Variants in CLEC16A observed in about 807,000 individuals in gnomAD.
CLEC16A encodes the protein protein CLEC16A.
In CLEC16A, 51 loss-of-function variants were observed where a neutral mutation model predicts 109.5. The ratio of observed to expected loss-of-function variants is 0.47; its 90% confidence interval spans 0.37 to 0.59. The LOEUF (loss-of-function observed/expected upper bound fraction) is 0.59, where lower values mean the gene tolerates loss of function less well. Among genes scored for constraint, CLEC16A ranks in the 20% least tolerant of loss-of-function variants. The pLI is 0.00. For synonymous variants in CLEC16A, 673 were observed against 564.2 expected, an observed-to-expected ratio of 1.19 and a Z score of -2.73; for missense variants, 1,339 against 1,394.0, an observed-to-expected ratio of 0.96 and a Z score of 0.63.
chr16:11,102,124 G>A (rs1221730797), intron 19 of CLEC16A, among the ~76,000 whole-genome samples: 1 of 151,866 alleles, frequency 6.6e-6, no homozygotes, highest in East Asian at 1.9e-4. Context: ...ATTTTTAAAA[G>A]AATTAAAAAC....
intron 23 of CLEC16A, among the ~76,000 whole-genome samples, chr16:11,172,425 C>G (rs896356284): frequency 6.6e-6 from 1 of 152,322 alleles, no homozygotes. Context: ...CCCACTCACA[C>G]CTCTGAGCTC....
At chr16:10,959,811 C>T (rs747256603) in intron 2 of CLEC16A, among the ~76,000 whole-genome samples, 1 of 151,326 alleles carries the variant, frequency 6.6e-6, no homozygotes, top group African/African-American at 2.4e-5. Context: ...CAGGGTCTTG[C>T]TGTGTTGCCA....
intron 19 of CLEC16A, chr16:11,071,047 G>A (rs1395519210): frequency 6.6e-6 from 1 of 152,222 alleles, no homozygotes; most frequent in African/African-American, 2.4e-5. Context: ...GCAGACAAGA[G>A]CTTTTAGGCA....
At chr16:11,166,910 A>G (rs2068290926) in intron 23 of CLEC16A, among the ~76,000 whole-genome samples, 1 of 152,222 alleles carries the variant, frequency 6.6e-6, no homozygotes, top group Non-Finnish European at 1.5e-5. Context: ...TTTGCAGTCT[A>G]GGAAAAGAAT....
chr16:11,150,506 G>C (rs1364556176), intron 22 of CLEC16A, among the ~76,000 whole-genome samples: 1 of 152,116 alleles, frequency 6.6e-6, no homozygotes, highest in Non-Finnish European at 1.5e-5. Flanking sequence ...GGGCATCCTT[G>C]GGCACACCTC....
At chr16:11,069,130 G>A (rs889973440) in intron 19 of CLEC16A, among the ~76,000 whole-genome samples, 16 of 151,984 alleles carry the variant, frequency 1.1e-4, no homozygotes, top group African/African-American at 3.9e-4. Context: ...ATTGTGCCTG[G>A]CCATTTATTT....
intron 23 of CLEC16A, among the ~76,000 whole-genome samples, chr16:11,170,261 G>A (rs998021841): frequency 2.6e-5 from 4 of 152,182 alleles, no homozygotes; most frequent in Admixed American, 2.6e-4. Context: ...CTGCTAACAT[G>A]TACAACCCCA....
chr16:10,963,211 T>C (rs2042339042), intron 3 of CLEC16A, among the ~76,000 whole-genome samples: 1 of 152,180 alleles, frequency 6.6e-6, no homozygotes, highest in Non-Finnish European at 1.5e-5. Context: ...TGCTAGCTGG[T>C]GTCTCTTCCT....
intron 19 of CLEC16A, among the ~76,000 whole-genome samples, chr16:11,084,756 C>A (rs144207364): frequency 1.2e-4 from 19 of 152,338 alleles, no homozygotes; most frequent in Non-Finnish European, 2.4e-4. Flanking sequence ...TCTAGTAAAT[C>A]ATTCGCGTTC....
chr16:11,169,309 CAG>C (rs2068405652), intron 23 of CLEC16A, among the ~76,000 whole-genome samples: 2 of 152,164 alleles, frequency 1.3e-5, no homozygotes, highest in African/African-American at 4.8e-5. Context: ...TTTTTTGAGA[CAG>C]AGTCTTGCTT....
Position 11,178,678 on chromosome 16 carries a change from C to T in CLEC16A, c.3150C>T (p.Thr1050=), listed in dbSNP as rs74163632. 1,256 of 1,507,588 alleles carry T rather than the reference C, an allele frequency of 8.3e-4. No homozygotes were observed. The highest frequency in any genetic ancestry group is 1.0e-3 in the Non-Finnish European group (1,134 of 1,130,626). 93.4% of individuals were successfully genotyped at this position (1,507,588 alleles called of 1,614,324 possible). A position where few individuals can be genotyped will look rare whatever the true frequency, so the allele number is the denominator to read the frequency against. ...EEAACAEPVG[T]AED Reference sequence around the variant, plus strand: ...CTGCATGTGCTGAGCCTGTGGGCACCGCTGAGGACTGAGTCAGTGCCGGGG... The same window carrying T: ...CTGCATGTGCTGAGCCTGTGGGCACTGCTGAGGACTGAGTCAGTGCCGGGG... The change falls in exon 24 of 24, where the codon ACC becomes ACT. Residue 1050 remains threonine (T), a synonymous_variant. Coordinates refer to ENST00000409790, the MANE Select transcript of CLEC16A (RefSeq NM_015226.3). The surrounding 1 kb of genome is among the most constrained non-coding windows in gnomAD (Gnocchi z 6.5).
chr16:11,014,706 C>T lies in CLEC16A; in HGVS notation c.1304-5487C>T, dbSNP rs559107692. Among the ~76,000 whole-genome samples the T allele has an allele frequency of 4.6e-5, 7 of 152,298 alleles. No individual in the cohort carries two copies. The South Asian group carries it at 6.2e-4, about 14-fold the overall frequency. ...AAATCCAGCCTCAGTGCCTCAGTCC[C>T]GGCCTTGGGGACCATAGGTGGAACT... On this transcript the variant is annotated intron_variant, in intron 11 of 23. Coordinates refer to ENST00000409790, the MANE Select transcript of CLEC16A (RefSeq NM_015226.3).
At chr16:11,028,221 T>A (rs2046534508) in intron 13 of CLEC16A, among the ~76,000 whole-genome samples, 1 of 152,086 alleles carries the variant, frequency 6.6e-6, no homozygotes, top group South Asian at 2.1e-4. Flanking sequence ...AGACAGTAGC[T>A]TATGTTCATG....
intron 19 of CLEC16A, among the ~76,000 whole-genome samples, chr16:11,091,264 A>G (rs907214607): frequency 6.6e-6 from 1 of 152,244 alleles, no homozygotes; most frequent in Non-Finnish European, 1.5e-5. Flanking sequence ...ACTTATTTCA[A>G]AGGGTAAAAG....
At position 11,002,999 on chromosome 16, in the gene CLEC16A, T is replaced by C. The variant is rs2044759080; in HGVS notation, c.1072-75T>C. 4.0e-6 allele frequency: 5 copies of C among 1,250,910 alleles called. No homozygotes were observed. The African/African-American group carries it at 4.6e-5, about 11-fold the overall frequency. The allele number at this position is 1,250,910 out of a possible 1,614,324, so 77.5% of individuals were successfully genotyped here. A position where few individuals can be genotyped will look rare whatever the true frequency, so the allele number is the denominator to read the frequency against. ...GAGATGAGTTTCTTAGGACAGAAACTTTTGGGCAACTTGATAGCATCCAGC... is the reference window on the plus strand; with the variant it reads ...GAGATGAGTTTCTTAGGACAGAAACCTTTGGGCAACTTGATAGCATCCAGC... On this transcript the variant is annotated intron_variant, in intron 10 of 23. Coordinates refer to ENST00000409790, the MANE Select transcript of CLEC16A (RefSeq NM_015226.3).
At chr16:11,173,411 G>T (rs922286342) in intron 23 of CLEC16A, among the ~76,000 whole-genome samples, 2 of 152,002 alleles carry the variant, frequency 1.3e-5, no homozygotes, top group Non-Finnish European at 2.9e-5. Flanking sequence ...AGATGCTCCC[G>T]ACGTTTTTAT....
At chr16:11,065,477 AC>A (rs2048711022) in intron 19 of CLEC16A, among the ~76,000 whole-genome samples, 2 of 152,240 alleles carry the variant, frequency 1.3e-5, no homozygotes, top group Non-Finnish European at 2.9e-5. Flanking sequence ...TTTATTGAGC[AC>A]CTGCTGTATG....
At chr16:11,164,683 C>T (rs547156779) in intron 22 of CLEC16A, among the ~76,000 whole-genome samples, 1 of 152,232 alleles carries the variant, frequency 6.6e-6, no homozygotes, top group Admixed American at 6.5e-5. Context: ...ATGGCAACTG[C>T]TCAACTCTGC....
At chr16:11,140,820 C>T (rs891491167) in intron 22 of CLEC16A, among the ~76,000 whole-genome samples, 4 of 152,138 alleles carry the variant, frequency 2.6e-5, no homozygotes, top group Non-Finnish European at 5.9e-5. Context: ...TGGAGCCAGA[C>T]CCCCCAGGTT....
Sources: allele counts gnomAD v4.1 joint callset (sites outside exome capture counted in the v4.1 genomes callset), GRCh38; gene constraint gnomAD v4.1.1; non-coding constraint Gnocchi (gnomAD v3.1); transcripts MANE v1.5; gene names NCBI Gene and HGNC (gene_info 2026-07-23, HGNC 2026-07-21).